Variants in HACD4 observed in about 807,000 individuals in gnomAD.
HACD4 encodes the protein 3-hydroxyacyl-CoA dehydratase 4.
In HACD4, 35 loss-of-function variants were observed where a neutral mutation model predicts 33.3. The ratio of observed to expected loss-of-function variants is 1.05; its 90% CI spans 0.80 to 1.39. HACD4 has a LOEUF of 1.39. Among genes scored for constraint, HACD4 ranks in the 40% most tolerant of loss-of-function variants. The pLI is 0.00. For synonymous variants in HACD4, 118 were observed against 98.0 expected (o/e 1.20, Z -1.21); for missense variants, 323 against 276.5 (o/e 1.17, Z -1.19).
At chr9:21,031,495 C>T in intron 1 of HACD4, 58 bp downstream of exon 1, 1 of 1,438,198 alleles carries the variant, frequency 7.0e-7, no homozygotes. Flanking sequence ...AGGGGAGCTC[C>T]CGCCTCCAGG....
rs1222898289 is a variant in HACD4, at chr9:21,000,318, A to T, written c.*6719T>A. 1 of 152,226 alleles carries T rather than the reference A, an allele frequency of 6.6e-6. No homozygotes were observed. The highest frequency in any genetic ancestry group is 1.5e-5 in the Non-Finnish European group (1 of 68,028). 9.4% of individuals were successfully genotyped at this position (152,226 alleles called of 1,614,324 possible). ...TTTAAGGATTTTTAAAGCCATAAAA[A>T]ATCATCCCTGTTCTGAAAACATTGG... On this transcript the variant is annotated 3_prime_UTR_variant, in exon 7 of 7. Coordinates refer to ENST00000495827, the MANE Select transcript of HACD4 (RefSeq NM_001010915.5).
Position 21,006,688 on chromosome 9 carries a change from A to C in HACD4, c.*349T>G. On this transcript the variant is annotated 3_prime_UTR_variant, in exon 7 of 7. Transcript: ENST00000495827. The surrounding 1 kb of genome is among the most constrained non-coding windows in gnomAD (Gnocchi z 4.6). ...AAGAATACATGTAATTTAGGTTATC[A>C]AGTTTGGTTTCTTAATTTAATTGAA... is the stretch of plus-strand genomic sequence containing the variant. The C allele has an allele frequency of 4.0e-6, 1 of 250,058 alleles. No homozygotes were observed. Among genetic ancestry groups the C allele is most frequent in the Non-Finnish European group, 7.7e-6 (1 of 129,728 alleles). The allele number at this position is 250,058 out of a possible 1,614,324, so 15.5% of individuals were successfully genotyped here.
rs534257987 is a variant in HACD4, at chr9:21,015,624, A to G, written c.383+274T>C. On this transcript the variant is annotated intron_variant, in intron 4 of 6. Transcript: ENST00000495827. Reference sequence around the variant, plus strand: ...GTGAGGAATGCCTTTGTTAGGAAACAGCTGAGGGTTATTCCAAGTTGGTTT... The same window carrying G: ...GTGAGGAATGCCTTTGTTAGGAAACGGCTGAGGGTTATTCCAAGTTGGTTT... The G allele has an allele frequency of 1.9e-4, 52 of 271,580 alleles. No homozygotes were observed. In the South Asian group the frequency reaches 5.2e-3, roughly 27 times the overall value. The allele number at this position is 271,580 out of a possible 1,614,324, so 16.8% of individuals were successfully genotyped here.
chr9:21,017,586 T>C (rs898151542), intron 3 of HACD4, among the ~76,000 whole-genome samples: 1 of 152,102 alleles, frequency 6.6e-6, no homozygotes, highest in Non-Finnish European at 1.5e-5. Flanking sequence ...ATTTGATCAG[T>C]GCTTGGTTAT....
intron 4 of HACD4, among the ~76,000 whole-genome samples, 172 bp from the exon 5 acceptor site, chr9:21,011,867 C>T (rs1842447074): frequency 6.6e-6 from 1 of 152,064 alleles, no homozygotes; most frequent in Non-Finnish European, 1.5e-5. Context: ...GGGACCATGT[C>T]AATCTGGCTT....
At chr9:21,011,269 A>G (rs1344144722) in intron 5 of HACD4, among the ~76,000 whole-genome samples, 1 of 152,218 alleles carries the variant, frequency 6.6e-6, no homozygotes, top group East Asian at 1.9e-4. Context: ...TAAAAATCAT[A>G]GAATCTCTAA....
At position 21,026,586 on chromosome 9, in the gene HACD4, T is replaced by G. The variant is rs780504904; in HGVS notation, c.270+10A>C. On this transcript the variant is annotated intron_variant, in intron 3 of 6. Coordinates refer to ENST00000495827, the MANE Select transcript of HACD4 (RefSeq NM_001010915.5). ...AACAGATTCTATAATAATATGTGATTCAAACCTACCTGCAAAAACCTTGGG... is the reference window on the plus strand; with the variant it reads ...AACAGATTCTATAATAATATGTGATGCAAACCTACCTGCAAAAACCTTGGG... The G allele has an allele frequency of 4.4e-6, 7 of 1,605,560 alleles. No individual in the cohort carries two copies. In the Admixed American group the frequency reaches 1.2e-4, roughly 27 times the overall value.
chr9:21,028,454 A>G (rs149538878), intron 2 of HACD4, among the ~76,000 whole-genome samples: 6 of 152,362 alleles, frequency 3.9e-5, no homozygotes, highest in East Asian at 1.9e-4. Context: ...AGGCGAGACT[A>G]TATCTGTAGA....
intron 1 of HACD4, among the ~76,000 whole-genome samples, chr9:21,030,122 G>A (rs1374467255): frequency 2.0e-5 from 3 of 152,082 alleles, no homozygotes; most frequent in South Asian, 2.1e-4. Context: ...AAACCACTGC[G>A]AAGGTGGCTT....
chr9:21,010,987 T>G (rs1163219719), intron 5 of HACD4, among the ~76,000 whole-genome samples: 1 of 152,138 alleles, frequency 6.6e-6, no homozygotes, highest in African/African-American at 2.4e-5. Context: ...AAGCTTCACC[T>G]GCTAGCCTAC....
In HACD4 at chr9:20,999,834, A is replaced by AACTT. The variant is rs1261997766; in HGVS notation, c.*7199_*7202dup. 2.0e-5 allele frequency: 3 copies of AACTT among 151,820 alleles called. No homozygotes were observed. Among genetic ancestry groups the AACTT allele is most frequent in the African/African-American group, 7.3e-5 (3 of 41,096 alleles). The allele number at this position is 151,820 out of a possible 1,614,324, so 9.4% of individuals were successfully genotyped here. A position where few individuals can be genotyped will look rare whatever the true frequency, so the allele number is the denominator to read the frequency against. ...AAACGTGTCATCCCTGCTCTCATGG[A>AACTT]ACTTACAGTCAGAGAATATAAATCA... On this transcript the variant is annotated 3_prime_UTR_variant, in exon 7 of 7. Coordinates refer to ENST00000495827, the MANE Select transcript of HACD4 (RefSeq NM_001010915.5).
rs1199568670 is a variant in HACD4 at position 21,002,355 on chromosome 9, G to A, written c.*4682C>T. 3 of 152,092 alleles carry A rather than the reference G, an allele frequency of 2.0e-5. No homozygotes were observed. The highest frequency in any genetic ancestry group is 1.5e-5 in the Non-Finnish European group (1 of 67,972). 9.4% of individuals were successfully genotyped at this position (152,092 alleles called of 1,614,324 possible). Reference sequence around the variant, plus strand: ...GAAAACAAATAGCAAAATGACAGGAGTAAGTCCCTCCTTATCAGTCATCCT... The same window carrying A: ...GAAAACAAATAGCAAAATGACAGGAATAAGTCCCTCCTTATCAGTCATCCT... On this transcript the variant is annotated 3_prime_UTR_variant, in exon 7 of 7. Transcript: ENST00000495827.
intron 3 of HACD4, among the ~76,000 whole-genome samples, chr9:21,018,370 A>G (rs1206023935): frequency 6.6e-6 from 1 of 152,184 alleles, no homozygotes; most frequent in Non-Finnish European, 1.5e-5. Context: ...ACATCTAGAC[A>G]ATACGACTTC....
At position 21,006,928 on chromosome 9, in the gene HACD4, G is replaced by T; in HGVS notation, c.*109C>A. 2.7e-6 allele frequency: 2 copies of T among 750,846 alleles called. No individual in the cohort carries two copies. Among genetic ancestry groups the T allele is most frequent in the Non-Finnish European group, 4.8e-6 (2 of 413,306 alleles). 46.5% of individuals were successfully genotyped at this position (750,846 alleles called of 1,614,324 possible). A position where few individuals can be genotyped will look rare whatever the true frequency, so the allele number is the denominator to read the frequency against. ...GTATGTGCAGTTATTTCATGTAATG[G>T]ATTTTTATCAAATACAAGGTATTTT... On this transcript the variant is annotated 3_prime_UTR_variant, in exon 7 of 7. Coordinates refer to ENST00000495827, the MANE Select transcript of HACD4 (RefSeq NM_001010915.5). This position sits in a 1 kb window ranked among gnomAD's most constrained non-coding sequence, Gnocchi z 4.6.
At chr9:21,015,066 A>T (rs983595875) in intron 4 of HACD4, 2 of 152,178 alleles carry the variant, frequency 1.3e-5, no homozygotes, top group Non-Finnish European at 2.9e-5. Context: ...AAAAATTACT[A>T]ATTTATATAC....
chr9:21,026,530 G>A (rs1055430910), intron 3 of HACD4, 66 bp downstream of exon 3: 4 of 1,346,540 alleles, frequency 3.0e-6, no homozygotes, highest in African/African-American at 1.5e-5. Flanking sequence ...AAAGTCAAGA[G>A]AAGCTTTAAA....
At chr9:21,021,619 C>G (rs1817915153) in intron 3 of HACD4, among the ~76,000 whole-genome samples, 1 of 152,140 alleles carries the variant, frequency 6.6e-6, no homozygotes, top group African/African-American at 2.4e-5. Context: ...TGAGTGAACT[C>G]CCATTCACAA....
At chr9:21,026,980 C>G (rs756157283) in intron 2 of HACD4, among the ~76,000 whole-genome samples, 8 of 152,174 alleles carry the variant, frequency 5.3e-5, no homozygotes, top group Non-Finnish European at 1.2e-4. Context: ...GCCAAACATA[C>G]ACATAGCATT....
intron 5 of HACD4, among the ~76,000 whole-genome samples, chr9:21,010,991 A>G (rs1842412554): frequency 6.6e-6 from 1 of 152,154 alleles, no homozygotes; most frequent in Non-Finnish European, 1.5e-5. Flanking sequence ...TTCACCTGCT[A>G]GCCTACTGCT....
Sources: allele counts gnomAD v4.1 joint callset (sites outside exome capture counted in the v4.1 genomes callset), GRCh38; gene constraint gnomAD v4.1.1; non-coding constraint Gnocchi (gnomAD v3.1); transcripts MANE v1.5; gene names NCBI Gene and HGNC (gene_info 2026-07-23, HGNC 2026-07-21).